The following GALNT16 variants were observed in gnomAD, a reference collection of about 807,000 sequenced individuals.
GALNT16 encodes UDP-GalNAc:polypeptide N-acetylgalactosaminyltransferase-like protein 1.
In GALNT16, 40 loss-of-function variants were observed where a neutral mutation model predicts 76.1. The ratio of observed to expected loss-of-function variants is 0.53; its 90% CI spans 0.41 to 0.68. The LOEUF (loss-of-function observed/expected upper bound fraction) is 0.68, where lower values mean the gene tolerates loss of function less well. GALNT16 is among the 30% of genes least tolerant of loss of function. GALNT16 has a pLI of 0.00. For synonymous variants in GALNT16, 276 were observed against 285.2 expected (o/e 0.97, Z 0.32); for missense variants, 621 against 731.9 (o/e 0.85, Z 1.75).
intron 6 of GALNT16, among the ~76,000 whole-genome samples, chr14:69,329,761 G>C (rs2045329616): frequency 6.6e-6 from 1 of 152,046 alleles, no homozygotes; most frequent in Admixed American, 6.6e-5. Context: ...GCGAGAGTGG[G>C]GGCAAGAGAG....
the GALNT16 span, among the ~76,000 whole-genome samples, chr14:69,379,707 T>C: frequency 6.6e-6 from 1 of 152,260 alleles, no homozygotes; most frequent in African/African-American, 2.4e-5. Context: ...CTTACACTTT[T>C]TTGTGGTTTT....
chr14:69,310,439 T>G (rs755708430), intron 1 of GALNT16, among the ~76,000 whole-genome samples: 34 of 152,180 alleles, frequency 2.2e-4, no homozygotes, highest in Admixed American at 5.9e-4. Context: ...TCACTGAATC[T>G]TTTCCAAGCA....
At chr14:69,375,502 C>A in the GALNT16 span, among the ~76,000 whole-genome samples, 1 of 152,218 alleles carries the variant, frequency 6.6e-6, no homozygotes. Context: ...AAAGCCTCCA[C>A]AACAAAAGCC....
intron 2 of GALNT16, among the ~76,000 whole-genome samples, chr14:69,324,444 C>T (rs531875367): frequency 6.6e-6 from 1 of 152,062 alleles, no homozygotes; most frequent in Admixed American, 6.5e-5. Flanking sequence ...GGTAAAGAGC[C>T]CCCAGGCCTT....
At chr14:69,380,236 G>A in the GALNT16 span, 1 of 251,038 alleles carries the variant, frequency 4.0e-6, no homozygotes, top group Non-Finnish European at 7.5e-6. Context: ...GTATGTGAAT[G>A]TTATAAAGTA....
intron 12 of GALNT16, among the ~76,000 whole-genome samples, chr14:69,344,519 A>G (rs1415155737): frequency 1.3e-5 from 2 of 152,222 alleles, no homozygotes; most frequent in African/African-American, 4.8e-5. Context: ...GCTGCTGACA[A>G]ACAGGACAGC....
intron 6 of GALNT16, 115 bp from the exon 7 acceptor site, chr14:69,331,349 G>T (rs1287987067): frequency 9.9e-6 from 7 of 710,572 alleles, no homozygotes; most frequent in Middle Eastern, 2.7e-4. Context: ...GGCATACCCT[G>T]CAGGAAGTGC....
At chr14:69,292,679 A>G (rs1566867525) in intron 1 of GALNT16, among the ~76,000 whole-genome samples, 2 of 152,188 alleles carry the variant, frequency 1.3e-5, no homozygotes, top group Admixed American at 6.5e-5. Context: ...TACCCACAAT[A>G]ACCTTTCTTA....
the GALNT16 span, among the ~76,000 whole-genome samples, chr14:69,379,413 T>C: frequency 6.6e-6 from 1 of 152,130 alleles, no homozygotes; most frequent in Admixed American, 6.5e-5. Context: ...AGGTAAAATT[T>C]TGTCTTGCAT....
the GALNT16 span, among the ~76,000 whole-genome samples, chr14:69,376,372 G>T: frequency 6.6e-6 from 1 of 152,096 alleles, no homozygotes; most frequent in Non-Finnish European, 1.5e-5. Context: ...TGAGCTCTGA[G>T]AATTGTTCTT....
Position 69,331,481 on chromosome 14 carries a change from G to A in GALNT16, c.708G>A (p.Val236=). ...QRVKEDHTRV[V]SPIIDVISLD... ...TCTCCTAGGACCACACCCGCGTGGT[G>A]AGTCCCATCATTGATGTCATCAGTC... The change falls in exon 7 of 15, where the codon GTG becomes GTA. Residue 236 remains valine, a synonymous_variant. Coordinates refer to ENST00000448469, the MANE Select transcript of GALNT16 (RefSeq NM_001168368.2). The A allele has an allele frequency of 6.2e-7, 1 of 1,604,624 alleles. No homozygotes were observed. The highest frequency in any genetic ancestry group is 8.5e-7 in the Non-Finnish European group (1 of 1,171,342).
At chr14:69,307,278 G>A (rs923772186) in intron 1 of GALNT16, among the ~76,000 whole-genome samples, 2 of 152,166 alleles carry the variant, frequency 1.3e-5, no homozygotes, top group Non-Finnish European at 1.5e-5. Flanking sequence ...CGTGACAAAC[G>A]TACCTCGAGC....
chr14:69,345,193 A>G (rs2045545918), intron 12 of GALNT16, among the ~76,000 whole-genome samples: 1 of 152,226 alleles, frequency 6.6e-6, no homozygotes, highest in South Asian at 2.1e-4. Flanking sequence ...AATATTGCCA[A>G]CTAATTAAAA....
At chr14:69,303,383 G>T (rs2044881933) in intron 1 of GALNT16, among the ~76,000 whole-genome samples, 2 of 152,122 alleles carry the variant, frequency 1.3e-5, no homozygotes, top group Admixed American at 6.5e-5. Context: ...AAGAAATAGG[G>T]TAGAGATGGC....
rs115872804 is a variant in GALNT16, at chr14:69,320,356, G to A, written c.178-355G>A. 8.5e-3 allele frequency among the ~76,000 whole-genome samples: 1,300 copies of A among 152,286 alleles called. 22 individuals carry two copies. The highest frequency in any genetic ancestry group is 0.03 in the African/African-American group (1,239 of 41,572). ...CCAAAACTATGAAAATTAGCTAGGCGTGGTGGTGCGCACCTGTAATCTCAG... is the reference window on the plus strand; with the variant it reads ...CCAAAACTATGAAAATTAGCTAGGCATGGTGGTGCGCACCTGTAATCTCAG... On this transcript the variant is annotated intron_variant, in intron 1 of 14. Transcript: ENST00000448469.
In GALNT16 at chr14:69,345,667, C is replaced by T. The variant is rs531965815; in HGVS notation, c.1272-1373C>T. Among the ~76,000 whole-genome samples the T allele has an allele frequency of 2.9e-5, 4 of 136,412 alleles. No homozygotes were observed. The South Asian group carries it at 9.3e-4, about 32-fold the overall frequency. 89.5% of individuals were successfully genotyped at this position (136,412 alleles called of 152,430 possible). On this transcript the variant is annotated intron_variant, in intron 12 of 14. Transcript: ENST00000448469. ...TATGCAAGCCTGCAGCAGCTGGGGC[C>T]GGCAGCTTCCTCAGGTTTATTACCC...
At chr14:69,285,613 C>A (rs1430605126) in intron 1 of GALNT16, among the ~76,000 whole-genome samples, 1 of 152,164 alleles carries the variant, frequency 6.6e-6, no homozygotes, top group Non-Finnish European at 1.5e-5. Flanking sequence ...AATGTACCAT[C>A]GTCTACATTT....
At chr14:69,372,491 C>CTTTTTTTTT in the GALNT16 span, among the ~76,000 whole-genome samples, 1 of 103,776 alleles carries the variant, frequency 9.6e-6, no homozygotes, top group Non-Finnish European at 1.9e-5. Context: ...GATCATTAGC[C>CTTTTTTTTT]TTTTTTTTTT....
At chr14:69,291,944 G>A (rs2044692348) in intron 1 of GALNT16, among the ~76,000 whole-genome samples, 1 of 152,210 alleles carries the variant, frequency 6.6e-6, no homozygotes, top group Non-Finnish European at 1.5e-5. Context: ...TAATGGGTGT[G>A]ACCCCACAGG....
Sources: gnomAD v4.1 joint callset for allele counts (sites outside exome capture counted in the v4.1 genomes callset) on GRCh38, gnomAD v4.1.1 for gene constraint, MANE v1.5 for transcripts, NCBI Gene and HGNC (gene_info 2026-07-23, HGNC 2026-07-21) for gene names.